Variants in CNGB1 observed in about 807,000 individuals in gnomAD.
The protein encoded by CNGB1 is cyclic nucleotide gated channel subunit beta 1.
A neutral mutation model predicts 151.7 loss-of-function variants in CNGB1; 126 were observed. The ratio of observed to expected loss-of-function variants is 0.83; its 90% CI spans 0.72 to 0.96. CNGB1 has a LOEUF of 0.96. CNGB1 is among the 40% of genes least tolerant of loss of function. The pLI is 0.00. For missense variants in CNGB1, 1,698 were observed against 1,627.0 expected, an observed-to-expected ratio of 1.04 and a Z score of -0.75; for synonymous variants, 623 against 635.1, an observed-to-expected ratio of 0.98 and a Z score of 0.29.
intron 13 of CNGB1, 105 bp downstream of exon 13, chr16:57,950,276 G>A (rs1961914486): frequency 7.2e-7 from 1 of 1,383,748 alleles, no homozygotes; most frequent in Non-Finnish European, 1.0e-6. Context: ...GGGGAAGCAG[G>A]CTTGGTTCCT....
chr16:57,961,631 GGAATGAATGAATGAATGAAT>G (rs10533777), intron 7 of CNGB1, among the ~76,000 whole-genome samples: 6 of 150,786 alleles, frequency 4.0e-5, no homozygotes, highest in African/African-American at 9.8e-5. Flanking sequence ...GCTGCAGCAA[GGAATGAATGAATGAATGAAT>G]GAATGAATGA....
At chr16:57,951,516 TG>T (rs1454152308) in intron 12 of CNGB1, among the ~76,000 whole-genome samples, 4 of 152,116 alleles carry the variant, frequency 2.6e-5, no homozygotes, top group Non-Finnish European at 5.9e-5. Flanking sequence ...CCACCATACC[TG>T]GGTAGTAGTA....
rs1351453184 is a variant in CNGB1 at position 57,967,168 on chromosome 16, TC to T, written c.118del (p.Glu40AsnfsTer56). The T allele has an allele frequency of 4.3e-6, 7 of 1,614,068 alleles. No individual in the cohort carries two copies. The highest frequency in any genetic ancestry group is 5.9e-6 in the Non-Finnish European group (7 of 1,180,034). On this transcript the variant is annotated frameshift_variant, in exon 2 of 33. Transcript: ENST00000251102. LOFTEE classifies it high-confidence loss of function. ...EPEMEAEVEP[E>X]PNPEEAETES... ...TGTCTCGGCCTCCTCAGGATTCGGTTCTGGTTCCACCTCCGCCTCCATCTCT... is the reference window on the plus strand; with the variant it reads ...TGTCTCGGCCTCCTCAGGATTCGGTTTGGTTCCACCTCCGCCTCCATCTCT...
chr16:57,959,999 G>C lies in CNGB1; in HGVS notation c.650C>G (p.Thr217Arg). The change falls in exon 10 of 33, where the codon ACA becomes AGA. Residue 217 changes from threonine to arginine, a missense_variant. Transcript: ENST00000251102. ...CTCCTTGGGCTGCAGGGGGATGGGT[G>C]TGGGCAGGGAGGGGGTCTCCCGGGC... ...LQARETPSLP[T>R]PIPLQPKEEP... is the part of the protein sequence containing the mutation. 7 of 1,587,062 alleles carry C rather than the reference G, an allele frequency of 4.4e-6. No individual in the cohort carries two copies. Among genetic ancestry groups the C allele is most frequent in the Middle Eastern group, 1.9e-4 (1 of 5,220 alleles).
intron 15 of CNGB1, 26 bp from the exon 16 acceptor site, chr16:57,939,618 A>G: frequency 6.2e-7 from 1 of 1,614,050 alleles, no homozygotes; most frequent in Non-Finnish European, 8.5e-7. Flanking sequence ...TGAAAACAGA[A>G]ACTGTGACCA....
chr16:57,904,952 C>T, intron 25 of CNGB1, 77 bp from the exon 26 acceptor site: 1 of 1,567,620 alleles, frequency 6.4e-7, no homozygotes, highest in South Asian at 1.1e-5. Context: ...GCTCAGACGC[C>T]TCTGATAGAT....
intron 18 of CNGB1, 94 bp downstream of exon 18, chr16:57,923,179 G>A (rs1386459844): frequency 3.2e-5 from 29 of 920,034 alleles, no homozygotes; most frequent in African/African-American, 1.7e-4. Flanking sequence ...TCTGCCTTGC[G>A]GTAGAAGGTT....
At chr16:57,926,277 C>T (rs194114) in intron 17 of CNGB1, among the ~76,000 whole-genome samples, 1 of 152,174 alleles carries the variant, frequency 6.6e-6, no homozygotes, top group Non-Finnish European at 1.5e-5. Context: ...ACTCCAGCCC[C>T]TGAGGGCCAA....
At chr16:57,953,678 T>C (rs1341412032) in intron 12 of CNGB1, among the ~76,000 whole-genome samples, 3 of 151,920 alleles carry the variant, frequency 2.0e-5, no homozygotes, top group Admixed American at 6.6e-5. Context: ...GCCTGGGTCA[T>C]GATACCTCCT....
chr16:57,900,118 C>A (rs1960346713), intron 29 of CNGB1, among the ~76,000 whole-genome samples: 1 of 152,216 alleles, frequency 6.6e-6, no homozygotes. Context: ...CTATCAACAT[C>A]CCCCACTTTA....
intron 12 of CNGB1, chr16:57,955,117 G>A: frequency 1.4e-6 from 2 of 1,426,424 alleles, no homozygotes; most frequent in African/African-American, 2.9e-5. Context: ...GGCTGCCCAT[G>A]GCTGGCCTTC....
intron 31 of CNGB1, among the ~76,000 whole-genome samples, chr16:57,896,764 A>C (rs1364882348): frequency 6.6e-6 from 1 of 151,012 alleles, no homozygotes; most frequent in Non-Finnish European, 1.5e-5. Context: ...AAATAAATAA[A>C]ATAACTGGCC....
intron 17 of CNGB1, among the ~76,000 whole-genome samples, chr16:57,927,611 G>A (rs1381958088): frequency 6.6e-6 from 1 of 152,228 alleles, no homozygotes; most frequent in Non-Finnish European, 1.5e-5. Context: ...ACATACAGAT[G>A]TTCAGTACAT....
At chr16:57,944,190 A>G (rs927022298) in intron 14 of CNGB1, among the ~76,000 whole-genome samples, 1 of 152,202 alleles carries the variant, frequency 6.6e-6, no homozygotes, top group East Asian at 1.9e-4. Flanking sequence ...AATGTCCTAT[A>G]TATACACAAT....
At chr16:57,946,047 T>C (rs1323861084) in intron 14 of CNGB1, among the ~76,000 whole-genome samples, 1 of 152,134 alleles carries the variant, frequency 6.6e-6, no homozygotes, top group Non-Finnish European at 1.5e-5. Flanking sequence ...GGGTGCCCAG[T>C]GCCTGCCAAG....
At chr16:57,899,907 C>T (rs1189441040) in intron 29 of CNGB1, among the ~76,000 whole-genome samples, 3 of 152,150 alleles carry the variant, frequency 2.0e-5, no homozygotes, top group Admixed American at 2.0e-4. Context: ...CAGCAGAGGG[C>T]GCCCTTCACA....
chr16:57,956,229 G>A (rs1227210410), intron 12 of CNGB1, among the ~76,000 whole-genome samples: 1 of 152,168 alleles, frequency 6.6e-6, no homozygotes, highest in Non-Finnish European at 1.5e-5. Context: ...TTTGCTCTGT[G>A]ACCCTGGGCA....
intron 17 of CNGB1, 121 bp downstream of exon 17, chr16:57,931,595 A>T: frequency 2.6e-6 from 3 of 1,167,642 alleles, no homozygotes; most frequent in South Asian, 1.3e-5. Flanking sequence ...CCCACTTCTG[A>T]CACCAACTCG....
At chr16:57,928,905 C>A (rs149312096) in intron 17 of CNGB1, among the ~76,000 whole-genome samples, 1,930 of 152,280 alleles carry the variant, frequency 0.013, 41 homozygotes, top group African/African-American at 0.045. Flanking sequence ...TCCCAAAGTG[C>A]TGGGATTACA....
Sources: allele counts gnomAD v4.1 joint callset (sites outside exome capture counted in the v4.1 genomes callset), GRCh38; gene constraint gnomAD v4.1.1; transcripts MANE v1.5; gene names NCBI Gene and HGNC (gene_info 2026-07-23, HGNC 2026-07-21).